Variants in KLHL29 observed in about 807,000 individuals in gnomAD.
KLHL29 encodes kelch-like protein 29.
In KLHL29, 21 loss-of-function variants were observed where a neutral mutation model predicts 80.4. That is an observed-to-expected ratio of 0.26 (90% CI 0.19 to 0.38). KLHL29 has a LOEUF of 0.38. Among genes scored for constraint, KLHL29 ranks in the 10% least tolerant of loss-of-function variants. KLHL29 has a pLI of 1.00. For synonymous variants in KLHL29, 511 were observed against 526.8 expected, an observed-to-expected ratio of 0.97 and a Z score of 0.41; for missense variants, 867 against 1,223.9, an observed-to-expected ratio of 0.71 and a Z score of 4.35.
At chr2:23,698,141 G>A (rs1672094780) in intron 11 of KLHL29, among the ~76,000 whole-genome samples, 1 of 152,186 alleles carries the variant, frequency 6.6e-6, no homozygotes, top group Non-Finnish European at 1.5e-5. Context: ...CCTTCCCTGG[G>A]GGGCAAGGCC....
chr2:23,400,426 A>G (rs1369517799), intron 1 of KLHL29, among the ~76,000 whole-genome samples: 1 of 152,104 alleles, frequency 6.6e-6, no homozygotes, highest in East Asian at 1.9e-4. Context: ...CTCTGCTGTG[A>G]CCCATTCTTG....
At chr2:23,639,025 C>T (rs562856414) in intron 3 of KLHL29, 114 bp from the exon 4 acceptor site, 24 of 1,069,276 alleles carry the variant, frequency 2.2e-5, no homozygotes, top group East Asian at 9.1e-5. Context: ...ACTCAGTGGG[C>T]GAAGCTTAGG....
intron 1 of KLHL29, among the ~76,000 whole-genome samples, chr2:23,450,032 A>C (rs1467021824): frequency 6.6e-6 from 1 of 152,196 alleles, no homozygotes; most frequent in African/African-American, 2.4e-5. Flanking sequence ...GCTGCTTCTC[A>C]ACAAAGACAG....
At chr2:23,419,899 C>T (rs1341847608) in intron 1 of KLHL29, among the ~76,000 whole-genome samples, 3 of 152,154 alleles carry the variant, frequency 2.0e-5, no homozygotes, top group East Asian at 3.9e-4. Flanking sequence ...TGTCCCAGCT[C>T]GGCTGTTGAC....
At chr2:23,539,279 C>G (rs1666765091) in intron 2 of KLHL29, among the ~76,000 whole-genome samples, 1 of 152,110 alleles carries the variant, frequency 6.6e-6, no homozygotes, top group Non-Finnish European at 1.5e-5. Flanking sequence ...AATATTTTAT[C>G]TTTTAAATGG....
chr2:23,528,970 T>C (rs946241216), intron 2 of KLHL29, among the ~76,000 whole-genome samples: 2 of 152,220 alleles, frequency 1.3e-5, no homozygotes, highest in African/African-American at 4.8e-5. Context: ...TCAGAACTTC[T>C]GCTGAAAGTG....
At chr2:23,605,459 T>C (rs1668685433) in intron 3 of KLHL29, among the ~76,000 whole-genome samples, 2 of 152,096 alleles carry the variant, frequency 1.3e-5, no homozygotes, top group African/African-American at 2.4e-5. Context: ...GGAGGCTTCA[T>C]AGGGCCCAGA....
At chr2:23,515,960 G>A (rs1237705509) in intron 2 of KLHL29, among the ~76,000 whole-genome samples, 2 of 152,200 alleles carry the variant, frequency 1.3e-5, no homozygotes, top group Non-Finnish European at 2.9e-5. Context: ...AGTCACGCAT[G>A]CTTTATTAAA....
intron 2 of KLHL29, among the ~76,000 whole-genome samples, chr2:23,523,323 C>T (rs567833357): frequency 1.1e-3 from 169 of 152,348 alleles, no homozygotes; most frequent in Non-Finnish European, 2.2e-3. Context: ...GATCCTTCCT[C>T]TATTCTAAAG....
At chr2:23,495,417 G>A (rs1170969603) in intron 2 of KLHL29, among the ~76,000 whole-genome samples, 1 of 152,204 alleles carries the variant, frequency 6.6e-6, no homozygotes, top group Non-Finnish European at 1.5e-5. Flanking sequence ...AGGTGTTGAG[G>A]TTGTGTCTTC....
At chr2:23,645,928 CCATT>C (rs1279348018) in intron 5 of KLHL29, among the ~76,000 whole-genome samples, 8 of 152,278 alleles carry the variant, frequency 5.3e-5, no homozygotes, top group South Asian at 4.1e-4. Flanking sequence ...AGCTTGTGTG[CCATT>C]CACTTTAATG....
chr2:23,433,042 T>A (rs1663228408), intron 1 of KLHL29, among the ~76,000 whole-genome samples: 1 of 152,094 alleles, frequency 6.6e-6, no homozygotes, highest in South Asian at 2.1e-4. Flanking sequence ...TTGCTGACAT[T>A]CAGAGTGTGT....
At chr2:23,453,827 G>A (rs6756357) in intron 1 of KLHL29, among the ~76,000 whole-genome samples, 81,944 of 151,924 alleles carry the variant, frequency 0.54, 24,398 homozygotes, top group African/African-American at 0.82. Context: ...AAGAAAATTC[G>A]GGCTCACTGG....
At chr2:23,698,255 C>T (rs1271206871) in intron 11 of KLHL29, among the ~76,000 whole-genome samples, 1 of 122,044 alleles carries the variant, frequency 8.2e-6, no homozygotes, top group East Asian at 3.4e-4. Context: ...GGCCCTGAGC[C>T]CTTCCTCAGC....
At position 23,646,043 on chromosome 2, in the gene KLHL29, T is replaced by C. The variant is rs183229219; in HGVS notation, c.940+3193T>C. On this transcript the variant is annotated intron_variant, in intron 5 of 13. Coordinates refer to ENST00000486442, the MANE Select transcript of KLHL29 (RefSeq NM_052920.2). ...ACAATTTGGGGGTGGGAGCAAGCTGTAGGATTTTTTTTTTAGATGATGTAT... is the reference window on the plus strand; with the variant it reads ...ACAATTTGGGGGTGGGAGCAAGCTGCAGGATTTTTTTTTTAGATGATGTAT... Among the ~76,000 whole-genome samples the C allele has an allele frequency of 6.7e-3, 938 of 140,224 alleles. 6 individuals carry two copies. The highest frequency in any genetic ancestry group is 0.018 in the African/African-American group (743 of 40,526). The allele number at this position is 140,224 out of a possible 152,430, so 92.0% of individuals were successfully genotyped here.
chr2:23,706,433 C>G, intron 13 of KLHL29, 48 bp from the exon 14 acceptor site: 1 of 1,377,742 alleles, frequency 7.3e-7, no homozygotes, highest in Non-Finnish European at 9.4e-7. Flanking sequence ...TCTCCAGGGC[C>G]AAGTTGGAAG....
At chr2:23,698,644 A>T (rs1672150219) in intron 11 of KLHL29, among the ~76,000 whole-genome samples, 1 of 152,236 alleles carries the variant, frequency 6.6e-6, no homozygotes, top group South Asian at 2.1e-4. Flanking sequence ...CACAATAGAC[A>T]AACCTGTATT....
At chr2:23,489,390 C>T (rs553096026) in intron 2 of KLHL29, among the ~76,000 whole-genome samples, 53 of 152,146 alleles carry the variant, frequency 3.5e-4, no homozygotes, top group African/African-American at 1.2e-3. Flanking sequence ...ATTCCGGTGG[C>T]TCCTGCAGGC....
intron 3 of KLHL29, among the ~76,000 whole-genome samples, chr2:23,567,483 G>A (rs1009494572): frequency 6.6e-6 from 1 of 152,192 alleles, no homozygotes; most frequent in South Asian, 2.1e-4. Context: ...CAAAACACCC[G>A]GGTTTTGACA....
Sources: allele counts gnomAD v4.1 joint callset (sites outside exome capture counted in the v4.1 genomes callset), GRCh38; gene constraint gnomAD v4.1.1; transcripts MANE v1.5; gene names NCBI Gene and HGNC (gene_info 2026-07-23, HGNC 2026-07-21).